The following MAGEC1 variants were observed in gnomAD, a reference collection of about 807,000 sequenced individuals.
MAGEC1 encodes the protein melanoma-associated antigen C1.
Under a neutral mutation model 1.5 loss-of-function variants are expected in MAGEC1, and 3 were observed. The observed-to-expected ratio is 1.97, with a 90% CI of 0.90 to 5.10. The LOEUF (loss-of-function observed/expected upper bound fraction) is 5.10. MAGEC1 is among the 30% of genes most tolerant of loss of function. The pLI is 0.02. For synonymous variants in MAGEC1, 357 were observed against 310.4 expected (o/e 1.15, Z -1.58); for missense variants, 985 against 803.1 (o/e 1.23, Z -2.74).
At position 141,907,368 on chromosome X, in the gene MAGEC1, C is replaced by G; in HGVS notation, c.1964C>G (p.Pro655Arg). ...AGTTCTCAGAGTCCTCCTGAGGGGC[C>G]TGTCCAGTCTCCTCTCCATAGTCCT... ...PESSQSPPEGPVQSPLHSPQS... is the reference protein window; with the variant it reads ...PESSQSPPEGRVQSPLHSPQS... The change falls in exon 4 of 4, where the codon CCT becomes CGT. Residue 655 changes from proline to arginine, a missense_variant. Pro to Arg is a moderately radical substitution (Grantham distance 103). Coordinates refer to ENST00000285879, the MANE Select transcript of MAGEC1 (RefSeq NM_005462.5). 1 of 1,198,692 alleles carries G rather than the reference C, an allele frequency of 8.3e-7. No homozygotes were observed. Among genetic ancestry groups the G allele is most frequent in the Middle Eastern group, 2.3e-4 (1 of 4,283 alleles).
rs767244120 is a variant in MAGEC1, at chrX:141,907,175, TCTC to T, written c.1775_1777del (p.Pro592del). 5.0e-6 allele frequency: 6 copies of T among 1,208,833 alleles called. No homozygotes were observed. The highest frequency in any genetic ancestry group is 6.7e-6 in the Non-Finnish European group (6 of 894,453). On this transcript the variant is annotated inframe_deletion, in exon 4 of 4. Coordinates refer to ENST00000285879, the MANE Select transcript of MAGEC1 (RefSeq NM_005462.5). ...GAGCCCTCAGGGGGAGGACTCCCTG[TCTC>T]CTCACTACTTTCCTCAGAGCCCTCC...
At position 141,907,906 on chromosome X, in the gene MAGEC1, C is replaced by A; in HGVS notation, c.2502C>A (p.Phe834Leu). ...CCCAGAGTTCTCCTGTGAGCTCCTT[C>A]CCCTCCTCCACTTCATCGAGTCTTT... is the stretch of plus-strand genomic sequence containing the variant. ...SLSQSSPVSS[F>L]PSSTSSSLSK... is the part of the protein sequence containing the mutation. Residue 834 changes from phenylalanine to leucine, a missense_variant, in exon 4 of 4, where the codon TTC becomes TTA. By Grantham distance (22) the Phe-to-Leu change is conservative. Coordinates refer to ENST00000285879, the MANE Select transcript of MAGEC1 (RefSeq NM_005462.5). 1 of 1,210,772 alleles carries A rather than the reference C, an allele frequency of 8.3e-7. No individual in the cohort carries two copies. The highest frequency in any genetic ancestry group is 1.1e-6 in the Non-Finnish European group (1 of 894,949).
rs373596196 is a variant in MAGEC1, at chrX:141,907,813, G to C, written c.2409G>C (p.Glu803Asp). Residue 803 changes from glutamate to aspartate, a missense_variant, in exon 4 of 4, where the codon GAG (glutamate) becomes GAC (aspartate). Transcript: ENST00000285879. ...ATGAGAGTCCTCAGAGTCCTCCTGAGGGGCCTGCCCAGTCTCCTCTCCAGA... is the reference window on the plus strand; with the variant it reads ...ATGAGAGTCCTCAGAGTCCTCCTGACGGGCCTGCCCAGTCTCCTCTCCAGA... ...SSHESPQSPP[E>D]GPAQSPLQSP... 9 of 1,208,514 alleles carry C rather than the reference G, an allele frequency of 7.4e-6. No homozygotes were observed. The African/African-American group carries it at 1.6e-4, about 21-fold the overall frequency.
Position 141,907,470 on chromosome X carries a change from T to A in MAGEC1, c.2066T>A (p.Leu689Gln). ...AGTGCTCCTGAGGGGGAGGATTCCCTGTCTCCTCTCCAAATTCCTCAGAGT... is the reference window on the plus strand; with the variant it reads ...AGTGCTCCTGAGGGGGAGGATTCCCAGTCTCCTCTCCAAATTCCTCAGAGT... ...PESAPEGEDSLSPLQIPQSPL... is the reference protein window; with the variant it reads ...PESAPEGEDSQSPLQIPQSPL... The change falls in exon 4 of 4, where the codon CTG becomes CAG. Residue 689 changes from leucine to glutamine, a missense_variant. Leu to Gln is a moderately radical substitution (Grantham distance 113). Transcript: ENST00000285879. The A allele has an allele frequency of 8.3e-7, 1 of 1,204,144 alleles. No homozygotes were observed. Among genetic ancestry groups the A allele is most frequent in the East Asian group, 3.0e-5 (1 of 33,481 alleles).
Position 141,908,798 on chromosome X carries a change from T to C in MAGEC1, c.3394T>C (p.Ser1132Pro). ...DDSTATESAS[S>P]SVMSPSFSSE is the part of the protein sequence containing the mutation. ...TTCGACTGCCACAGAAAGTGCAAGC[T>C]CCAGTGTCATGTCCCCCAGCTTCTC... The change falls in exon 4 of 4, where the codon TCC becomes CCC. Residue 1132 changes from serine (S) to proline (P), a missense_variant. Transcript: ENST00000285879. 1 of 1,204,787 alleles carries C rather than the reference T, an allele frequency of 8.3e-7. No individual in the cohort carries two copies. The highest frequency in any genetic ancestry group is 1.1e-6 in the Non-Finnish European group (1 of 891,859).
At position 141,907,491 on chromosome X, in the gene MAGEC1, A is replaced by C; in HGVS notation, c.2087A>C (p.Gln696Pro). ...EDSLSPLQIP[Q>P]SPLEGEDSLS... ...TCCCTGTCTCCTCTCCAAATTCCTC[A>C]GAGTCCTCTTGAGGGAGAGGACTCC... The change falls in exon 4 of 4, where the codon CAG becomes CCG. Residue 696 changes from glutamine (Q) to proline (P), a missense_variant. By Grantham distance (76) the Gln-to-Pro change is moderately conservative (BLOSUM62 -1). Transcript: ENST00000285879. 8.3e-7 allele frequency: 1 copy of C among 1,199,183 alleles called. No individual in the cohort carries two copies. Among genetic ancestry groups the C allele is most frequent in the South Asian group, 1.8e-5 (1 of 55,860 alleles).
rs774124593 is a variant in MAGEC1 at position 141,907,481 on chromosome X, C to T, written c.2077C>T (p.Gln693Ter). The T allele has an allele frequency of 1.7e-6, 2 of 1,203,030 alleles. No individual in the cohort carries two copies. Among genetic ancestry groups the T allele is most frequent in the African/African-American group, 3.6e-5 (2 of 55,645 alleles). Residue 693 changes from glutamine (Q) to a stop codon, truncating the protein, a stop_gained, in exon 4 of 4, where the codon CAA becomes TAA. Coordinates refer to ENST00000285879, the MANE Select transcript of MAGEC1 (RefSeq NM_005462.5). LOFTEE classifies it low-confidence loss of function (END_TRUNC). Reference sequence around the variant, plus strand: ...GGGGGAGGATTCCCTGTCTCCTCTCCAAATTCCTCAGAGTCCTCTTGAGGG... The same window carrying T: ...GGGGGAGGATTCCCTGTCTCCTCTCTAAATTCCTCAGAGTCCTCTTGAGGG... ...PEGEDSLSPL[Q>*]IPQSPLEGED...
Position 141,907,098 on chromosome X carries a change from C to T in MAGEC1, c.1694C>T (p.Pro565Leu). The change falls in exon 4 of 4, where the codon CCT becomes CTT. Residue 565 changes from proline to leucine, a missense_variant. Physicochemically the swap from Pro to Leu is moderately conservative, Grantham distance 98 (BLOSUM62 -3). Transcript: ENST00000285879. ...GEDSLSPHYF[P>L]QSPPQGEDSL... is the part of the protein sequence containing the mutation. ...GACTCCCTATCTCCTCACTACTTTC[C>T]TCAGAGCCCTCCTCAGGGGGAGGAC... 1 of 1,204,073 alleles carries T rather than the reference C, an allele frequency of 8.3e-7. No individual in the cohort carries two copies. Among genetic ancestry groups the T allele is most frequent in the Non-Finnish European group, 1.1e-6 (1 of 892,077 alleles).
chrX:141,904,537 T>G (rs2018164857), intron 1 of MAGEC1, among the ~76,000 whole-genome samples, 180 bp from the exon 2 acceptor site: 1 of 110,634 alleles, frequency 9.0e-6, no homozygotes, highest in African/African-American at 3.3e-5. Flanking sequence ...TGATGTGGAG[T>G]TTTCCTGAGG....
At position 141,907,962 on chromosome X, in the gene MAGEC1, G is replaced by T; in HGVS notation, c.2558G>T (p.Ser853Ile). 8.3e-7 allele frequency: 1 copy of T among 1,211,688 alleles called. No homozygotes were observed. The highest frequency in any genetic ancestry group is 1.1e-6 in the Non-Finnish European group (1 of 895,501). ...AGTTCCCCTGAGAGTCCTCTCCAGAGTCCTGTGATCTCCTTCTCCTCCTCC... is the reference window on the plus strand; with the variant it reads ...AGTTCCCCTGAGAGTCCTCTCCAGATTCCTGTGATCTCCTTCTCCTCCTCC... ...SKSSPESPLQ[S>I]PVISFSSSTS... Residue 853 changes from serine (S) to isoleucine (I), a missense_variant, in exon 4 of 4, where the codon AGT becomes ATT. Ser to Ile is a moderately radical substitution (Grantham distance 142). Transcript: ENST00000285879.
chrX:141,905,680 C>A lies in MAGEC1; in HGVS notation c.276C>A (p.Thr92=). 1.7e-6 allele frequency: 2 copies of A among 1,211,048 alleles called. No individual in the cohort carries two copies. Among genetic ancestry groups the A allele is most frequent in the Non-Finnish European group, 2.2e-6 (2 of 894,990 alleles). The change falls in exon 4 of 4, where the codon ACC becomes ACA. Residue 92 remains threonine (T), a synonymous_variant. Transcript: ENST00000285879. ...AGAGTTCTCCTGAGGGCGACGACAC[C>A]CAGTCTCCTCTCCAGAATTCTCAGA... ...IPQSSPEGDD[T]QSPLQNSQSS...
At chrX:141,904,404 G>A (rs1398524754) in intron 1 of MAGEC1, among the ~76,000 whole-genome samples, 2 of 110,658 alleles carry the variant, frequency 1.8e-5, no homozygotes, top group African/African-American at 6.6e-5. Flanking sequence ...AGGCCCTGCT[G>A]GGAACAAGAG....
In MAGEC1 at chrX:141,906,449, A is replaced by G. The variant is rs1212577822; in HGVS notation, c.1045A>G (p.Thr349Ala). The part of the protein sequence containing the change: ...QIPMTSSFSS[T>A]LLSIFQSSPE... ...TCCTATGACCTCCTCCTTCTCCTCT[A>G]CTTTATTGAGTATTTTCCAGAGTTC... Residue 349 changes from threonine (T) to alanine (A), a missense_variant, in exon 4 of 4, where the codon ACT (threonine) becomes GCT (alanine). Thr to Ala is a moderately conservative substitution (Grantham distance 58). Coordinates refer to ENST00000285879, the MANE Select transcript of MAGEC1 (RefSeq NM_005462.5). 1 of 1,194,970 alleles carries G rather than the reference A, an allele frequency of 8.4e-7. No homozygotes were observed. The highest frequency in any genetic ancestry group is 1.8e-5 in the African/African-American group (1 of 54,705).
rs1405688461 is a variant in MAGEC1, at chrX:141,908,989, T to C, written c.*156T>C. ...TTACCTGTTTTACTTTTGGGTATTT[T>C]TCAAATGCTTTTCCTATTAATAACA... On this transcript the variant is annotated 3_prime_UTR_variant, in exon 4 of 4. Coordinates refer to ENST00000285879, the MANE Select transcript of MAGEC1 (RefSeq NM_005462.5). 2.5e-6 allele frequency: 1 copy of C among 404,270 alleles called. No homozygotes were observed. Among genetic ancestry groups the C allele is most frequent in the East Asian group, 3.9e-5 (1 of 25,545 alleles). The allele number at this position is 404,270 out of a possible 1,213,427, so 33.3% of individuals were successfully genotyped here. A position where few individuals can be genotyped will look rare whatever the true frequency, so the allele number is the denominator to read the frequency against.
intron 3 of MAGEC1, 120 bp from the exon 4 acceptor site, chrX:141,905,289 A>G: frequency 1.2e-6 from 1 of 842,597 alleles, no homozygotes; most frequent in Non-Finnish European, 1.7e-6. Flanking sequence ...GATCCCCCAG[A>G]TGAGGAAGAG....
In MAGEC1 at chrX:141,907,918, TTCA is replaced by T. The variant is rs781544680; in HGVS notation, c.2517_2519del (p.Ser841del). 1.7e-5 allele frequency: 20 copies of T among 1,208,740 alleles called. No individual in the cohort carries two copies. The highest frequency in any genetic ancestry group is 2.2e-5 in the Admixed American group (1 of 45,662). ...CTGTGAGCTCCTTCCCCTCCTCCAC[TTCA>T]TCGAGTCTTTCCAAGAGTTCCCCTG... On this transcript the variant is annotated inframe_deletion, in exon 4 of 4. Coordinates refer to ENST00000285879, the MANE Select transcript of MAGEC1 (RefSeq NM_005462.5).
At position 141,907,424 on chromosome X, in the gene MAGEC1, T is replaced by G. The variant is rs1926975380; in HGVS notation, c.2020T>G (p.Ser674Ala). The change falls in exon 4 of 4, where the codon TCT becomes GCT. Residue 674 changes from serine (S) to alanine (A), a missense_variant. Ser to Ala is a moderately conservative substitution (Grantham distance 99). Transcript: ENST00000285879. ...CCCTCCTGAGGGGATGCACTCCCAA[T>G]CTCCTCTCCAGAGTCCTGAGAGTGC... ...QSPPEGMHSQ[S>A]PLQSPESAPE... The G allele has an allele frequency of 8.4e-7, 1 of 1,195,911 alleles. No homozygotes were observed. Among genetic ancestry groups the G allele is most frequent in the African/African-American group, 1.9e-5 (1 of 53,587 alleles).
Position 141,905,573 on chromosome X carries a change from C to A in MAGEC1, c.169C>A (p.Arg57Ser). The change falls in exon 4 of 4, where the codon CGT becomes AGT. Residue 57 changes from arginine to serine, a missense_variant. Coordinates refer to ENST00000285879, the MANE Select transcript of MAGEC1 (RefSeq NM_005462.5). Reference protein sequence around the residue: ...TLYPLQSPQSRSEGEDSSDPL... With the variant: ...TLYPLQSPQSSSEGEDSSDPL... ...GTATCCTCTCCAGAGTCCTCAGAGT[C>A]GTTCTGAGGGGGAGGACTCCTCGGA... is the stretch of plus-strand genomic sequence containing the variant. The A allele has an allele frequency of 8.3e-7, 1 of 1,206,915 alleles. No homozygotes were observed. Among genetic ancestry groups the A allele is most frequent in the Non-Finnish European group, 1.1e-6 (1 of 893,783 alleles).
rs761452706 is a variant in MAGEC1, at chrX:141,906,791, C to T, written c.1387C>T (p.Pro463Ser). The T allele has an allele frequency of 1.7e-6, 2 of 1,200,001 alleles. No individual in the cohort carries two copies. The highest frequency in any genetic ancestry group is 5.9e-5 in the East Asian group (2 of 33,689). ...YTLLSLFQSS[P>S]ERTHSTFEGF... ...TTTATTGAGTCTTTTCCAGAGTTCC[C>T]CTGAGAGAACTCACAGTACTTTTGA... is the stretch of plus-strand genomic sequence containing the variant. The change falls in exon 4 of 4, where the codon CCT becomes TCT. Residue 463 changes from proline to serine, a missense_variant. Coordinates refer to ENST00000285879, the MANE Select transcript of MAGEC1 (RefSeq NM_005462.5).
Sources: allele counts gnomAD v4.1 joint callset (sites outside exome capture counted in the v4.1 genomes callset), GRCh38; gene constraint gnomAD v4.1.1; transcripts MANE v1.5; gene names NCBI Gene and HGNC (gene_info 2026-07-23, HGNC 2026-07-21).